CPSF3: variants seen among roughly 807,000 people sequenced by gnomAD.
The protein encoded by CPSF3 is cleavage and polyadenylation specificity factor subunit 3.
In CPSF3, 57 loss-of-function variants were observed where a neutral mutation model predicts 84.1. The ratio of observed to expected loss-of-function variants is 0.68; its 90% CI spans 0.55 to 0.85. CPSF3 has a LOEUF of 0.85. CPSF3 is among the 40% of genes least tolerant of loss of function. The probability of loss-of-function intolerance (pLI) is 0.00; values close to 1 mark genes in which losing one functional copy is unlikely to be tolerated. For missense variants in CPSF3, 522 were observed against 838.8 expected, an observed-to-expected ratio of 0.62 and a Z score of 4.66; for synonymous variants, 275 against 278.1, an observed-to-expected ratio of 0.99 and a Z score of 0.11.
At chr2:9,452,347 T>C (rs1572792787) in intron 11 of CPSF3, among the ~76,000 whole-genome samples, 1 of 150,114 alleles carries the variant, frequency 6.7e-6, no homozygotes, top group South Asian at 2.1e-4. Context: ...AAAAAAAGAA[T>C]AGTGGGTTTC....
At chr2:9,442,779 GA>G (rs1283684966) in intron 9 of CPSF3, among the ~76,000 whole-genome samples, 1 of 151,898 alleles carries the variant, frequency 6.6e-6, no homozygotes, top group African/African-American at 2.4e-5. Context: ...CTTGAAACTG[GA>G]GGCGGAGGTT....
chr2:9,431,420 T>A (rs537366613), intron 4 of CPSF3, among the ~76,000 whole-genome samples: 3 of 152,158 alleles, frequency 2.0e-5, no homozygotes, highest in Non-Finnish European at 4.4e-5. Flanking sequence ...AGAGTTATGC[T>A]TAATTGTGGT....
intron 7 of CPSF3, among the ~76,000 whole-genome samples, chr2:9,439,905 A>C (rs1680914370): frequency 1.3e-5 from 2 of 152,120 alleles, no homozygotes; most frequent in South Asian, 4.1e-4. Context: ...CTTGAACCTG[A>C]GAGGTTGAGG....
intron 15 of CPSF3, 105 bp downstream of exon 15, chr2:9,459,723 C>G (rs1681668334): frequency 5.7e-6 from 3 of 527,012 alleles, no homozygotes; most frequent in Admixed American, 3.8e-5. Flanking sequence ...GATCTCAGCT[C>G]ACTGCATCCT....
intron 3 of CPSF3, among the ~76,000 whole-genome samples, chr2:9,430,517 A>G (rs1680548957): frequency 6.6e-6 from 1 of 152,170 alleles, no homozygotes; most frequent in South Asian, 2.1e-4. Context: ...CTTCCTCCCT[A>G]ATTCACTAAT....
At chr2:9,427,086 G>A (rs1448668651) in intron 1 of CPSF3, among the ~76,000 whole-genome samples, 1 of 152,140 alleles carries the variant, frequency 6.6e-6, no homozygotes, top group African/African-American at 2.4e-5. Context: ...GGATGAACAT[G>A]GCTGTAGTAT....
intron 11 of CPSF3, 77 bp downstream of exon 11, chr2:9,448,427 C>A: frequency 8.4e-7 from 1 of 1,187,364 alleles, no homozygotes; most frequent in South Asian, 1.8e-5. Flanking sequence ...GAAAATAGAT[C>A]TTTAGTCAAA....
chr2:9,429,640 G>A (rs1680507303), intron 2 of CPSF3, among the ~76,000 whole-genome samples: 1 of 152,126 alleles, frequency 6.6e-6, no homozygotes, highest in African/African-American at 2.4e-5. Flanking sequence ...TTTTGAAAAA[G>A]ATTTAATTCG....
At chr2:9,464,610 T>G (rs1259812464) in intron 15 of CPSF3, among the ~76,000 whole-genome samples, 7 of 152,190 alleles carry the variant, frequency 4.6e-5, no homozygotes, top group Non-Finnish European at 1.0e-4. Context: ...ATTTTATTTT[T>G]TGAGACAGGG....
At position 9,461,906 on chromosome 2, in the gene CPSF3, C is replaced by T. The variant is rs183828955; in HGVS notation, c.1786+2288C>T. ...CCTCCTGAGTAGCTGGGATTAGAGG[C>T]GTGTGCCACCATGCCCGGCTAATTT... On this transcript the variant is annotated intron_variant, in intron 15 of 17. Coordinates refer to ENST00000238112, the MANE Select transcript of CPSF3 (RefSeq NM_016207.4). Among the ~76,000 whole-genome samples, 174 of 151,966 alleles carry T rather than the reference C, an allele frequency of 1.1e-3. 1 individual carries two copies. The East Asian group carries it at 0.015, about 13-fold the overall frequency.
Position 9,432,848 on chromosome 2 carries a change from G to T in CPSF3, c.519+160G>T, listed in dbSNP as rs180778061. On this transcript the variant is annotated intron_variant, in intron 5 of 17. Transcript: ENST00000238112. The stretch of plus-strand genomic sequence containing the variant: ...TTAACGCTTGTTCCTTTTAAATATT[G>T]CAGTTCCTACCTCCATTACAATACT... Among the ~76,000 whole-genome samples the T allele has an allele frequency of 1.6e-3, 246 of 152,048 alleles. 3 individuals are homozygous for T. The highest frequency in any genetic ancestry group is 5.6e-3 in the African/African-American group (234 of 41,476).
chr2:9,424,650 A>T (rs1490995814), intron 1 of CPSF3: 1 of 152,228 alleles, frequency 6.6e-6, no homozygotes, highest in African/African-American at 2.4e-5. Context: ...CTTGGGACAT[A>T]GTCCGTTTCC....
chr2:9,457,248 C>A (rs1029834983), intron 14 of CPSF3, among the ~76,000 whole-genome samples: 1 of 150,430 alleles, frequency 6.6e-6, no homozygotes. Flanking sequence ...TATGTAGTCA[C>A]AAAAAAACCT....
intron 7 of CPSF3, 63 bp downstream of exon 7, chr2:9,436,424 T>C (rs6432003): frequency 0.57 from 868,386 of 1,522,396 alleles, 259,019 homozygotes; most frequent in African/African-American, 0.76. Context: ...AAGATAATAA[T>C]GTGGTCTTGG....
At chr2:9,438,332 C>G (rs1289391029) in intron 7 of CPSF3, among the ~76,000 whole-genome samples, 1 of 152,040 alleles carries the variant, frequency 6.6e-6, no homozygotes, top group East Asian at 1.9e-4. Context: ...TCTTCGTAAC[C>G]TGTAAGATGA....
intron 1 of CPSF3, 128 bp downstream of exon 1, chr2:9,423,951 C>T: frequency 1.4e-6 from 2 of 1,473,806 alleles, no homozygotes; most frequent in South Asian, 2.7e-5. Flanking sequence ...TCCGCGCTTG[C>T]GGGCCAGGCT....
chr2:9,435,021 A>C (rs1030986266), intron 6 of CPSF3, among the ~76,000 whole-genome samples: 6 of 152,212 alleles, frequency 3.9e-5, no homozygotes, highest in Non-Finnish European at 8.8e-5. Flanking sequence ...GGGAAGATTT[A>C]TTTTTTGAAC....
rs1572770219 is a variant in CPSF3, at chr2:9,433,055, C to T, written c.519+367C>T. 2.0e-5 allele frequency among the ~76,000 whole-genome samples: 3 copies of T among 152,242 alleles called. No individual in the cohort carries two copies. In the South Asian group the frequency reaches 6.2e-4, roughly 32 times the overall value. On this transcript the variant is annotated intron_variant, in intron 5 of 17. Coordinates refer to ENST00000238112, the MANE Select transcript of CPSF3 (RefSeq NM_016207.4). ...AAAACACAATTTGATATTCATGTCCCCCTGATGTCTTAGAATTCACAGGTA... is the reference window on the plus strand; with the variant it reads ...AAAACACAATTTGATATTCATGTCCTCCTGATGTCTTAGAATTCACAGGTA...
At chr2:9,444,158 A>ATATATTTT (rs1216393477) in intron 10 of CPSF3, among the ~76,000 whole-genome samples, 3 of 123,178 alleles carry the variant, frequency 2.4e-5, no homozygotes, top group African/African-American at 7.6e-5. Flanking sequence ...ATATATATAT[A>ATATATTTT]TTTTTTTTTT....
Sources: allele counts gnomAD v4.1 joint callset (sites outside exome capture counted in the v4.1 genomes callset), GRCh38; gene constraint gnomAD v4.1.1; transcripts MANE v1.5; gene names NCBI Gene and HGNC (gene_info 2026-07-23, HGNC 2026-07-21).